The following HSPA14 variants were observed in gnomAD, a reference collection of about 807,000 sequenced individuals.
HSPA14 encodes heat shock 70 kDa protein 14.
A neutral mutation model predicts 65.5 loss-of-function variants in HSPA14; 37 were observed. The ratio of observed to expected loss-of-function variants is 0.56; its 90% CI spans 0.43 to 0.74. The LOEUF is 0.74. Ranked by LOEUF, HSPA14 falls within the 30% of genes least tolerant of loss-of-function variation. The pLI is 0.00. For missense variants in HSPA14, 564 were observed against 607.6 expected (o/e 0.93, Z 0.75); for synonymous variants, 203 against 214.2 (o/e 0.95, Z 0.46).
At chr10:14,848,697 T>G in intron 4 of HSPA14, 40 bp downstream of exon 4, 2 of 1,525,620 alleles carry the variant, frequency 1.3e-6, no homozygotes, top group Non-Finnish European at 1.8e-6. Flanking sequence ...TTACATAGAG[T>G]AATTACCAAG....
At chr10:14,851,046 T>C in intron 6 of HSPA14, 173 bp from the exon 7 acceptor site, 1 of 556,782 alleles carries the variant, frequency 1.8e-6, no homozygotes, top group South Asian at 2.3e-5. Context: ...AAGTGATCTC[T>C]TATAGTCATT....
Position 14,848,774 on chromosome 10 carries a change from G to C in HSPA14, c.271-16G>C. The C allele has an allele frequency of 6.8e-7, 1 of 1,463,336 alleles. No homozygotes were observed. The highest frequency in any genetic ancestry group is 9.4e-7 in the Non-Finnish European group (1 of 1,061,420). The allele number at this position is 1,463,336 out of a possible 1,614,324, so 90.6% of individuals were successfully genotyped here. On this transcript the variant is annotated splice_polypyrimidine_tract_variant and intron_variant, in intron 4 of 13. Transcript: ENST00000378372. ...TAAAAATTATTTATTTAGCATAATT[G>C]TAATTTATTTTATAGGTCATTGAAA...
chr10:14,868,821 G>GT (rs1832828982), intron 12 of HSPA14, among the ~76,000 whole-genome samples: 1 of 152,082 alleles, frequency 6.6e-6, no homozygotes, highest in South Asian at 2.1e-4. Context: ...TTAAATATCG[G>GT]TAACAAAAAA....
intron 12 of HSPA14, 122 bp from the exon 13 acceptor site, chr10:14,870,475 T>C: frequency 9.3e-7 from 1 of 1,080,050 alleles, no homozygotes; most frequent in Non-Finnish European, 1.3e-6. Flanking sequence ...AATTGAAAAC[T>C]GCCCTATTTT....
chr10:14,846,064 G>T (rs1834047475), intron 3 of HSPA14: 13 of 972,672 alleles, frequency 1.3e-5, no homozygotes, highest in Non-Finnish European at 1.5e-5. Flanking sequence ...GCATTCTGTG[G>T]TATTAATATT....
intron 10 of HSPA14, among the ~76,000 whole-genome samples, chr10:14,863,371 T>G (rs1053991486): frequency 5.3e-5 from 8 of 152,140 alleles, no homozygotes; most frequent in Admixed American, 3.3e-4. Flanking sequence ...CTTAGCTACT[T>G]GGCTCCAACT....
intron 5 of HSPA14, chr10:14,849,493 C>T (rs1320630966): frequency 8.0e-6 from 5 of 624,068 alleles, no homozygotes; most frequent in Non-Finnish European, 3.1e-6. Context: ...AGCCTAAGAG[C>T]CAGGCTGTTT....
intron 6 of HSPA14, among the ~76,000 whole-genome samples, chr10:14,850,414 A>C (rs1198318242): frequency 1.3e-5 from 2 of 152,252 alleles, no homozygotes; most frequent in African/African-American, 4.8e-5. Context: ...TTTATGTAGG[A>C]ATTACATGTG....
chr10:14,858,950 T>C (rs1219680984), intron 10 of HSPA14, among the ~76,000 whole-genome samples: 2 of 152,162 alleles, frequency 1.3e-5, no homozygotes, highest in Non-Finnish European at 2.9e-5. Flanking sequence ...CTTGTGACCG[T>C]TGCCTTCTCA....
intron 8 of HSPA14, 36 bp downstream of exon 8, chr10:14,852,567 G>C (rs1441809800): frequency 2.1e-6 from 3 of 1,460,852 alleles, no homozygotes; most frequent in Non-Finnish European, 1.8e-6. Context: ...CCTTCTGATT[G>C]AGGTTTTCCT....
At chr10:14,855,230 AAT>A (rs759789579) in intron 9 of HSPA14, among the ~76,000 whole-genome samples, 105 of 152,234 alleles carry the variant, frequency 6.9e-4, no homozygotes, top group Non-Finnish European at 1.0e-4. Flanking sequence ...TATAGATATT[AAT>A]AGATAACATT....
At chr10:14,849,037 G>A in intron 5 of HSPA14, 142 bp downstream of exon 5, 1 of 542,616 alleles carries the variant, frequency 1.8e-6, no homozygotes, top group Non-Finnish European at 3.3e-6. Context: ...CTGTCGACCT[G>A]GTTGGGGCAC....
intron 1 of HSPA14, chr10:14,838,719 G>T: frequency 2.1e-6 from 1 of 476,768 alleles, no homozygotes; most frequent in Non-Finnish European, 3.7e-6. Flanking sequence ...GCGGCGGGAT[G>T]CCCGGAGGGG....
Position 14,840,087 on chromosome 10 carries a change from G to A in HSPA14, c.151G>A (p.Ala51Thr). ...TTTTTTTTTTCAGATTGTTGGATTGGCAGCAAAACAAAGTAGAATAAGAAA... is the reference window on the plus strand; with the variant it reads ...TTTTTTTTTTCAGATTGTTGGATTGACAGCAAAACAAAGTAGAATAAGAAA... ...YSENEEIVGL[A>T]AKQSRIRNIS... The change falls in exon 3 of 14, where the codon GCA (alanine) becomes ACA (threonine). Residue 51 changes from alanine to threonine, a missense_variant. Ala to Thr is a moderately conservative substitution (Grantham distance 58). Coordinates refer to ENST00000378372, the MANE Select transcript of HSPA14 (RefSeq NM_016299.4). 7.1e-7 allele frequency: 1 copy of A among 1,417,292 alleles called. No individual in the cohort carries two copies. Among genetic ancestry groups the A allele is most frequent in the South Asian group, 1.7e-5 (1 of 58,212 alleles). 87.8% of individuals were successfully genotyped at this position (1,417,292 alleles called of 1,614,324 possible).
intron 10 of HSPA14, among the ~76,000 whole-genome samples, 158 bp downstream of exon 10, chr10:14,856,101 G>T (rs1832690832): frequency 6.6e-6 from 1 of 152,146 alleles, no homozygotes; most frequent in Non-Finnish European, 1.5e-5. Context: ...TTGATTAATG[G>T]CTCTGGTGAA....
chr10:14,857,285 A>G (rs1832711238), intron 10 of HSPA14, among the ~76,000 whole-genome samples: 1 of 152,214 alleles, frequency 6.6e-6, no homozygotes, highest in African/African-American at 2.4e-5. Context: ...TCCTTAGAGT[A>G]GATTGCCAAA....
chr10:14,862,194 ATT>A (rs1378360362), intron 10 of HSPA14, among the ~76,000 whole-genome samples: 1 of 147,574 alleles, frequency 6.8e-6, no homozygotes, highest in Admixed American at 6.8e-5. Context: ...CACCCGGCTA[ATT>A]TTTTTGTATT....
intron 10 of HSPA14, among the ~76,000 whole-genome samples, chr10:14,860,384 CAGGT>C (rs1329361384): frequency 4.6e-5 from 7 of 152,228 alleles, no homozygotes; most frequent in African/African-American, 1.7e-4. Flanking sequence ...TGAGGATATA[CAGGT>C]AATATGAAAC....
chr10:14,844,920 G>A (rs1380531353), intron 3 of HSPA14: 16 of 985,252 alleles, frequency 1.6e-5, no homozygotes, highest in Non-Finnish European at 1.8e-5. Context: ...CCCTAGAAAC[G>A]TTTCCTTTTG....
Sources: gnomAD v4.1 joint callset for allele counts (sites outside exome capture counted in the v4.1 genomes callset) on GRCh38, gnomAD v4.1.1 for gene constraint, MANE v1.5 for transcripts, NCBI Gene and HGNC (gene_info 2026-07-23, HGNC 2026-07-21) for gene names.